The following ATG5 variants were observed in gnomAD, a reference collection of about 807,000 sequenced individuals.
ATG5 encodes autophagy related 5.
ATG5 carries 14 observed loss-of-function variants against 36.5 expected under a neutral mutation model. That is an observed-to-expected ratio of 0.38 (90% CI 0.25 to 0.60). The LOEUF (loss-of-function observed/expected upper bound fraction) is 0.60. Among genes scored for constraint, ATG5 ranks in the 20% least tolerant of loss-of-function variants. ATG5 has a pLI of 0.60. For missense variants in ATG5, 195 were observed against 326.7 expected, an observed-to-expected ratio of 0.60 and a Z score of 3.11; for synonymous variants, 95 against 101.5, an observed-to-expected ratio of 0.94 and a Z score of 0.38.
At chr6:106,318,340 C>T (rs1770936732) in intron 1 of ATG5, among the ~76,000 whole-genome samples, 1 of 152,162 alleles carries the variant, frequency 6.6e-6, no homozygotes, top group South Asian at 2.1e-4. Context: ...CCATCCTGCT[C>T]TTTCTTTCCA....
intron 5 of ATG5, among the ~76,000 whole-genome samples, chr6:106,273,437 T>C (rs1451002764): frequency 6.6e-6 from 1 of 152,202 alleles, no homozygotes; most frequent in Non-Finnish European, 1.5e-5. Context: ...GGAAGTCCTT[T>C]TGAAATGAAC....
chr6:106,287,418 T>C (rs1780122338), intron 4 of ATG5, among the ~76,000 whole-genome samples: 2 of 152,328 alleles, frequency 1.3e-5, no homozygotes, highest in South Asian at 4.1e-4. Flanking sequence ...TTCAAAAACC[T>C]AACTTGTGTT....
chr6:106,244,166 T>C (rs537528926), intron 6 of ATG5, among the ~76,000 whole-genome samples: 2 of 152,188 alleles, frequency 1.3e-5, no homozygotes, highest in East Asian at 3.9e-4. Context: ...AAAACAAGCA[T>C]TGTTTTATCA....
intron 1 of ATG5, chr6:106,325,159 G>C (rs560047297): frequency 2.6e-5 from 4 of 152,246 alleles, no homozygotes; most frequent in African/African-American, 4.8e-5. Context: ...CATACCCACC[G>C]AGTTTGGACA....
In ATG5 at chr6:106,270,603, A is replaced by AT. The variant is rs545178982; in HGVS notation, c.478+9057_478+9058insA. Among the ~76,000 whole-genome samples, 118 of 152,198 alleles carry AT rather than the reference A, an allele frequency of 7.8e-4. 2 individuals are homozygous for AT. Among genetic ancestry groups the AT allele is most frequent in the Non-Finnish European group, 2.8e-4 (19 of 68,024 alleles). On this transcript the variant is annotated intron_variant, in intron 5 of 7. Transcript: ENST00000369076. ...CAAAGTAAACACAGTACGAAACTAG[A>AT]AGCTGCAGCATTAGATTCTAGTCTA...
chr6:106,267,700 T>C (rs988531175), intron 5 of ATG5, among the ~76,000 whole-genome samples: 52 of 152,256 alleles, frequency 3.4e-4, no homozygotes, highest in Admixed American at 3.1e-3. Flanking sequence ...TCTACAACCA[T>C]CTGATCTTCG....
intron 7 of ATG5, among the ~76,000 whole-genome samples, chr6:106,193,889 T>C (rs1319398400): frequency 6.6e-6 from 1 of 152,214 alleles, no homozygotes. Flanking sequence ...CATATACTAT[T>C]ATTTTGGTAA....
At chr6:106,201,087 C>T (rs1776410455) in intron 7 of ATG5, among the ~76,000 whole-genome samples, 1 of 152,124 alleles carries the variant, frequency 6.6e-6, no homozygotes, top group South Asian at 2.1e-4. Flanking sequence ...TATATAAATA[C>T]TTATACTGTA....
intron 7 of ATG5, among the ~76,000 whole-genome samples, chr6:106,198,278 G>C (rs1192095926): frequency 6.6e-6 from 1 of 152,136 alleles, no homozygotes; most frequent in Admixed American, 6.5e-5. Context: ...TCTCTAGAAA[G>C]GGGAACCAGG....
At chr6:106,268,966 C>G (rs553930240) in intron 5 of ATG5, among the ~76,000 whole-genome samples, 2 of 152,282 alleles carry the variant, frequency 1.3e-5, no homozygotes, top group East Asian at 3.9e-4. Context: ...TTGATAGGTG[C>G]AGCAAACCAC....
intron 5 of ATG5, among the ~76,000 whole-genome samples, chr6:106,267,150 G>C (rs1779257938): frequency 6.6e-6 from 1 of 152,204 alleles, no homozygotes; most frequent in Non-Finnish European, 1.5e-5. Context: ...CAAAGTCTCA[G>C]CATACAAAAT....
chr6:106,202,948 C>T (rs887504441), intron 6 of ATG5, among the ~76,000 whole-genome samples: 3 of 152,206 alleles, frequency 2.0e-5, no homozygotes, highest in Admixed American at 6.5e-5. Context: ...CAGGCGTGAG[C>T]CAACCGCTCC....
chr6:106,264,541 A>C (rs2114561082), intron 5 of ATG5, among the ~76,000 whole-genome samples: 1 of 152,286 alleles, frequency 6.6e-6, no homozygotes, highest in Non-Finnish European at 1.5e-5. Flanking sequence ...CATAATCATC[A>C]GATTCTCTAA....
At chr6:106,240,490 C>G (rs1423607024) in intron 6 of ATG5, among the ~76,000 whole-genome samples, 2 of 151,148 alleles carry the variant, frequency 1.3e-5, no homozygotes, top group African/African-American at 4.9e-5. Context: ...GATTTATAAA[C>G]TCACTAAGTG....
chr6:106,206,095 A>G (rs1307480783), intron 6 of ATG5, among the ~76,000 whole-genome samples: 2 of 152,192 alleles, frequency 1.3e-5, no homozygotes, highest in Non-Finnish European at 2.9e-5. Context: ...CGTCCCTCCA[A>G]AATTCATGCT....
At chr6:106,262,400 A>G (rs78649376) in intron 5 of ATG5, among the ~76,000 whole-genome samples, 3,743 of 152,260 alleles carry the variant, frequency 0.025, 62 homozygotes, top group African/African-American at 0.049. Context: ...CCCAAGTAAC[A>G]CTAATGCTTT....
At chr6:106,186,920 TCTTA>T (rs1166749659) in intron 7 of ATG5, among the ~76,000 whole-genome samples, 2 of 152,204 alleles carry the variant, frequency 1.3e-5, no homozygotes, top group African/African-American at 2.4e-5. Context: ...ATTACTTCTT[TCTTA>T]ATTACTGTGC....
At chr6:106,264,920 A>G (rs184314758) in intron 5 of ATG5, among the ~76,000 whole-genome samples, 29 of 152,210 alleles carry the variant, frequency 1.9e-4, no homozygotes, top group African/African-American at 6.5e-4. Context: ...ACACTATGAA[A>G]AAACTGCATC....
intron 6 of ATG5, among the ~76,000 whole-genome samples, chr6:106,212,394 A>T (rs2114396570): frequency 6.6e-6 from 1 of 152,368 alleles, no homozygotes; most frequent in South Asian, 2.1e-4. Flanking sequence ...TAATTCCAGC[A>T]CTTTGGGAGG....
Sources: allele counts gnomAD v4.1 joint callset (sites outside exome capture counted in the v4.1 genomes callset), GRCh38; gene constraint gnomAD v4.1.1; transcripts MANE v1.5; gene names NCBI Gene and HGNC (gene_info 2026-07-23, HGNC 2026-07-21).